Variants in CDH18 observed in about 807,000 individuals in gnomAD.
The protein encoded by CDH18 is cadherin 18.
A neutral mutation model predicts 67.9 loss-of-function variants in CDH18; 31 were observed. That is an observed-to-expected ratio of 0.46 (90% CI 0.34 to 0.62). CDH18 has a LOEUF of 0.62. CDH18 is among the 20% of genes least tolerant of loss of function. The pLI is 0.01. For synonymous variants in CDH18, 362 were observed against 347.2 expected (o/e 1.04, Z -0.48); for missense variants, 890 against 975.5 (o/e 0.91, Z 1.17).
intron 3 of CDH18, among the ~76,000 whole-genome samples, chr5:19,788,372 T>C (rs1776033380): frequency 6.6e-6 from 1 of 152,196 alleles, no homozygotes; most frequent in Admixed American, 6.5e-5. Flanking sequence ...AGTTTCCACA[T>C]GATAAAGAGA....
chr5:19,692,624 G>T (rs1250662374), intron 5 of CDH18, among the ~76,000 whole-genome samples: 1 of 151,674 alleles, frequency 6.6e-6, no homozygotes, highest in Non-Finnish European at 1.5e-5. Flanking sequence ...ACAGGTATAA[G>T]AATAATACTA....
At chr5:19,723,686 T>C (rs1450089543) in intron 4 of CDH18, among the ~76,000 whole-genome samples, 1 of 152,146 alleles carries the variant, frequency 6.6e-6, no homozygotes. Flanking sequence ...ATAAATTGAA[T>C]AGGGCATTTT....
At chr5:20,536,186 C>T (rs1234377220) in intron 1 of CDH18, among the ~76,000 whole-genome samples, 1 of 152,078 alleles carries the variant, frequency 6.6e-6, no homozygotes, top group African/African-American at 2.4e-5. Flanking sequence ...ACTACATATC[C>T]TATAATATAA....
At chr5:19,739,857 G>C (rs910403082) in intron 4 of CDH18, among the ~76,000 whole-genome samples, 1 of 151,972 alleles carries the variant, frequency 6.6e-6, no homozygotes, top group Non-Finnish European at 1.5e-5. Context: ...CAAGATATTT[G>C]GCAGAACTAA....
chr5:19,855,191 A>T (rs1019241202), intron 2 of CDH18, among the ~76,000 whole-genome samples: 1 of 151,938 alleles, frequency 6.6e-6, no homozygotes, highest in Non-Finnish European at 1.5e-5. Context: ...TCTCTCTTTC[A>T]TCTTGTTCCC....
chr5:19,695,119 A>G (rs772883960), intron 5 of CDH18, among the ~76,000 whole-genome samples: 1 of 152,090 alleles, frequency 6.6e-6, no homozygotes, highest in Non-Finnish European at 1.5e-5. Context: ...TGTGTGCACC[A>G]AGTGCATGCC....
rs72234101 is a variant in CDH18 at position 19,764,624 on chromosome 5, C to CAT, written c.229-17390_229-17389dup. Reference sequence around the variant, plus strand: ...TTGATTAAGTAGGATTCTATTTCTTCATATATATATATATATATATATATA... The same window carrying CAT: ...TTGATTAAGTAGGATTCTATTTCTTCATATATATATATATATATATATATATA... On this transcript the variant is annotated intron_variant, in intron 3 of 12. Coordinates refer to ENST00000382275, the MANE Select transcript of CDH18 (RefSeq NM_004934.5). Among the ~76,000 whole-genome samples, 320 of 146,068 alleles carry CAT rather than the reference C, an allele frequency of 2.2e-3. 1 individual carries two copies. Among genetic ancestry groups the CAT allele is most frequent in the African/African-American group, 7.8e-3 (308 of 39,328 alleles).
intron 6 of CDH18, among the ~76,000 whole-genome samples, chr5:19,597,648 G>A (rs1049695180): frequency 3.3e-5 from 5 of 152,064 alleles, no homozygotes; most frequent in African/African-American, 9.7e-5. Flanking sequence ...ACACACGTAT[G>A]CTGTCAAATC....
chr5:20,495,826 A>T (rs1169412933), intron 1 of CDH18, among the ~76,000 whole-genome samples: 1 of 152,164 alleles, frequency 6.6e-6, no homozygotes, highest in Non-Finnish European at 1.5e-5. Flanking sequence ...AAAGATAGCA[A>T]TGGGAAAATA....
At chr5:20,346,257 T>G (rs1304002298) in intron 1 of CDH18, among the ~76,000 whole-genome samples, 1 of 152,160 alleles carries the variant, frequency 6.6e-6, no homozygotes, top group Admixed American at 6.6e-5. Context: ...TTAATTAAAA[T>G]TTTTATTCTT....
At chr5:20,152,805 T>A (rs1053935552) in intron 2 of CDH18, among the ~76,000 whole-genome samples, 1 of 152,142 alleles carries the variant, frequency 6.6e-6, no homozygotes, top group African/African-American at 2.4e-5. Context: ...TATACAGTTG[T>A]AGGTTTCCAA....
chr5:19,530,080 A>C (rs1748353856), intron 9 of CDH18, among the ~76,000 whole-genome samples: 1 of 152,312 alleles, frequency 6.6e-6, no homozygotes, highest in South Asian at 2.1e-4. Context: ...CCGTAGTATT[A>C]GTATATACAT....
chr5:19,474,486 G>A lies in CDH18; in HGVS notation c.1883-770C>T, dbSNP rs564218963. Among the ~76,000 whole-genome samples the A allele has an allele frequency of 3.3e-5, 5 of 151,890 alleles. No homozygotes were observed. The South Asian group carries it at 1.0e-3, about 31-fold the overall frequency. ...TTTGTGTGTGAAAAATCAGACTTTG[G>A]CGATAACCTTGAGCAGTAGGACATA... On this transcript the variant is annotated intron_variant, in intron 12 of 12. Coordinates refer to ENST00000382275, the MANE Select transcript of CDH18 (RefSeq NM_004934.5).
At chr5:20,082,318 T>TA (rs1441038301) in intron 2 of CDH18, among the ~76,000 whole-genome samples, 2 of 152,210 alleles carry the variant, frequency 1.3e-5, no homozygotes, top group Non-Finnish European at 2.9e-5. Context: ...CAAGTAGTAT[T>TA]AGCTTGGTGC....
At chr5:20,427,030 ATAAT>A (rs1035947771) in intron 1 of CDH18, among the ~76,000 whole-genome samples, 3 of 151,244 alleles carry the variant, frequency 2.0e-5, no homozygotes, top group African/African-American at 7.4e-5. Flanking sequence ...CTCAGACAAT[ATAAT>A]TACTCATTAA....
chr5:20,149,144 C>T (rs1750903086), intron 2 of CDH18, among the ~76,000 whole-genome samples: 1 of 152,110 alleles, frequency 6.6e-6, no homozygotes, highest in African/African-American at 2.4e-5. Flanking sequence ...TGACTTATTT[C>T]CAGAACATCA....
At chr5:19,675,610 C>G (rs1038882408) in intron 5 of CDH18, among the ~76,000 whole-genome samples, 9 of 152,086 alleles carry the variant, frequency 5.9e-5, no homozygotes, top group African/African-American at 2.2e-4. Context: ...CCCTTGTTCC[C>G]TGAACATCAC....
intron 1 of CDH18, among the ~76,000 whole-genome samples, chr5:20,451,248 A>G (rs1045381353): frequency 3.9e-5 from 6 of 152,228 alleles, no homozygotes; most frequent in Non-Finnish European, 7.3e-5. Flanking sequence ...TGTACAGCAC[A>G]TAATAAGATA....
chr5:19,578,931 G>A (rs2149974161), intron 7 of CDH18, among the ~76,000 whole-genome samples: 1 of 151,942 alleles, frequency 6.6e-6, no homozygotes, highest in African/African-American at 2.4e-5. Flanking sequence ...TTGGAAAGGA[G>A]CATTTTATTT....
Sources: gnomAD v4.1 joint callset for allele counts (sites outside exome capture counted in the v4.1 genomes callset) on GRCh38, gnomAD v4.1.1 for gene constraint, MANE v1.5 for transcripts, NCBI Gene and HGNC (gene_info 2026-07-23, HGNC 2026-07-21) for gene names.